The following ACTA1 variants were observed in gnomAD, a reference collection of about 807,000 sequenced individuals.
ACTA1 encodes actin alpha 1, skeletal muscle.
In ACTA1, 25 loss-of-function variants were observed where a neutral mutation model predicts 35.8. The ratio of observed to expected loss-of-function variants is 0.70; its 90% CI spans 0.51 to 0.97. The LOEUF (loss-of-function observed/expected upper bound fraction) is 0.97. ACTA1 is among the 50% of genes least tolerant of loss of function. ACTA1 has a pLI of 0.00. For synonymous variants in ACTA1, 219 were observed against 217.1 expected, an observed-to-expected ratio of 1.01 and a Z score of -0.08; for missense variants, 174 against 533.0, an observed-to-expected ratio of 0.33 and a Z score of 6.63.
chr1:229,431,565 C>A lies in ACTA1; in HGVS notation c.1068G>T (p.Gln356His), dbSNP rs1157238811. The change falls in exon 7 of 7, where the codon CAG becomes CAT. Residue 356 changes from glutamine to histidine, a missense_variant. Transcript: ENST00000366684. The surrounding 1 kb of genome is among the most constrained non-coding windows in gnomAD (Gnocchi z 7.1). ...SILASLSTFQ[Q>H]MWITKQEYDE... is the part of the protein sequence containing the mutation. ...CGTACTCCTGCTTGGTGATCCACAT[C>A]TGCTGGAAGGTGGACAGCGAGGCCA... 2 of 1,614,022 alleles carry A rather than the reference C, an allele frequency of 1.2e-6. No individual in the cohort carries two copies.
intron 1 of ACTA1, among the ~76,000 whole-genome samples, chr1:229,433,786 G>A (rs1388919002): frequency 6.6e-6 from 1 of 152,234 alleles, no homozygotes; most frequent in East Asian, 1.9e-4. Flanking sequence ...AGGTAAAGGA[G>A]CCCAAAGGGG....
In ACTA1 at chr1:229,431,969, C is replaced by CGGGGCG; in HGVS notation, c.808+19_808+24dup. On this transcript the variant is annotated intron_variant, in intron 5 of 6. Coordinates refer to ENST00000366684, the MANE Select transcript of ACTA1 (RefSeq NM_001100.4). The surrounding 1 kb of genome is among the most constrained non-coding windows in gnomAD (Gnocchi z 7.1). The stretch of plus-strand genomic sequence containing the variant: ...CCGGGGGCCGGCGGGGCCTGGGGGC[C>CGGGGCG]GGGGCGAGGGCGAGCGGGGCTCACC... The CGGGGCG allele has an allele frequency of 6.2e-7, 1 of 1,603,060 alleles. No homozygotes were observed. The highest frequency in any genetic ancestry group is 8.5e-7 in the Non-Finnish European group (1 of 1,174,956).
intron 4 of ACTA1, 28 bp from the exon 5 acceptor site, chr1:229,432,213 CCCTCA>C (rs1659959392): frequency 6.8e-6 from 11 of 1,613,056 alleles, no homozygotes; most frequent in Non-Finnish European, 9.3e-6. Flanking sequence ...AGGAGAGGAG[CCCTCA>C]CTCAGGGGCC....
Position 229,431,361 on chromosome 1 carries a change from TA to T in ACTA1, c.*137del. On this transcript the variant is annotated 3_prime_UTR_variant, in exon 7 of 7. Coordinates refer to ENST00000366684, the MANE Select transcript of ACTA1 (RefSeq NM_001100.4). This position sits in a 1 kb window ranked among gnomAD's most constrained non-coding sequence, Gnocchi z 7.1. ...AATAAGTTAATGTATGTACACGTTA[TA>T]AACACTGTGTCAGTTTACGATGGCA... The T allele has an allele frequency of 8.4e-7, 1 of 1,183,812 alleles. No homozygotes were observed. The allele number at this position is 1,183,812 out of a possible 1,614,324, so 73.3% of individuals were successfully genotyped here. A position where few individuals can be genotyped will look rare whatever the true frequency, so the allele number is the denominator to read the frequency against.
chr1:229,432,935 T>A, intron 2 of ACTA1, 52 bp downstream of exon 2: 1 of 1,613,926 alleles, frequency 6.2e-7, no homozygotes, highest in East Asian at 2.2e-5. Context: ...GGCACCAGGC[T>A]GGCTTACGCG....
At position 229,432,686 on chromosome 1, in the gene ACTA1, G is replaced by A. The variant is rs41271479; in HGVS notation, c.324C>T (p.Thr108=). 6.2e-7 allele frequency: 1 copy of A among 1,614,174 alleles called. No individual in the cohort carries two copies. Among genetic ancestry groups the A allele is most frequent in the South Asian group, 1.1e-5 (1 of 91,070 alleles). The change falls in exon 3 of 7, where the codon ACC becomes ACT. Residue 108 remains threonine, a synonymous_variant. Coordinates refer to ENST00000366684, the MANE Select transcript of ACTA1 (RefSeq NM_001100.4). The part of the protein sequence containing the change: ...VAPEEHPTLL[T]EAPLNPKANR... ...TGGCCTTGGGATTGAGGGGGGCCTCGGTGAGCAGGGTGGGGTGCTCCTCGG... is the reference window on the plus strand; with the variant it reads ...TGGCCTTGGGATTGAGGGGGGCCTCAGTGAGCAGGGTGGGGTGCTCCTCGG...
chr1:229,432,677 G>A lies in ACTA1; in HGVS notation c.333C>T (p.Pro111=), dbSNP rs1418024508. ...EEHPTLLTEA[P]LNPKANREKM... ...TCTCGCGGTTGGCCTTGGGATTGAGGGGGGCCTCGGTGAGCAGGGTGGGGT... is the reference window on the plus strand; with the variant it reads ...TCTCGCGGTTGGCCTTGGGATTGAGAGGGGCCTCGGTGAGCAGGGTGGGGT... Residue 111 remains proline, a synonymous_variant, in exon 3 of 7, where the codon CCC becomes CCT. Coordinates refer to ENST00000366684, the MANE Select transcript of ACTA1 (RefSeq NM_001100.4). The A allele has an allele frequency of 6.2e-7, 1 of 1,614,054 alleles. No homozygotes were observed. Among genetic ancestry groups the A allele is most frequent in the African/African-American group, 1.3e-5 (1 of 74,934 alleles).
rs751707590 is a variant in ACTA1 at position 229,432,210 on chromosome 1, G to A, written c.617-25C>T. 2.6e-5 allele frequency: 42 copies of A among 1,613,030 alleles called. No individual in the cohort carries two copies. The Admixed American group carries it at 6.7e-4, about 26-fold the overall frequency. On this transcript the variant is annotated intron_variant, in intron 4 of 6. Transcript: ENST00000366684. Reference sequence around the variant, plus strand: ...GCTGCGGAGGGCAGAAGCAGGAGAGGAGCCCTCACTCAGGGGCCGCCGCCG... The same window carrying A: ...GCTGCGGAGGGCAGAAGCAGGAGAGAAGCCCTCACTCAGGGGCCGCCGCCG...
chr1:229,432,943 G>C, intron 2 of ACTA1, 44 bp downstream of exon 2: 1 of 1,613,864 alleles, frequency 6.2e-7, no homozygotes, highest in Non-Finnish European at 8.5e-7. Context: ...GCTGGCTTAC[G>C]CGGGGACCCC....
chr1:229,431,591 G>A lies in ACTA1; in HGVS notation c.1042C>T (p.Leu348=), dbSNP rs1571892315. The A allele has an allele frequency of 6.2e-7, 1 of 1,613,222 alleles. No homozygotes were observed. The highest frequency in any genetic ancestry group is 2.2e-5 in the East Asian group (1 of 44,794). Residue 348 remains leucine, a synonymous_variant, in exon 7 of 7, where the codon CTG becomes TTG. Coordinates refer to ENST00000366684, the MANE Select transcript of ACTA1 (RefSeq NM_001100.4). The surrounding 1 kb of genome is among the most constrained non-coding windows in gnomAD (Gnocchi z 7.1). ...TGCTGGAAGGTGGACAGCGAGGCCA[G>A]GATGGAGCCGCCGATCCACACCGAG... ...KYSVWIGGSI[L]ASLSTFQQMW...
At chr1:229,433,591 G>A (rs768271465) in intron 1 of ACTA1, among the ~76,000 whole-genome samples, 1 of 152,214 alleles carries the variant, frequency 6.6e-6, no homozygotes, top group African/African-American at 2.4e-5. Flanking sequence ...CCCCATCCAG[G>A]GAAGAGTGGC....
intron 2 of ACTA1, 30 bp downstream of exon 2, chr1:229,432,957 C>T: frequency 1.2e-6 from 2 of 1,613,664 alleles, no homozygotes; most frequent in Non-Finnish European, 1.7e-6. Context: ...GGACCCCGAG[C>T]CGGCTCCCTC....
Position 229,431,944 on chromosome 1 carries a change from C to G in ACTA1, c.809-42G>C. The G allele has an allele frequency of 6.2e-7, 1 of 1,608,050 alleles. No individual in the cohort carries two copies. On this transcript the variant is annotated intron_variant, in intron 5 of 6. Coordinates refer to ENST00000366684, the MANE Select transcript of ACTA1 (RefSeq NM_001100.4). This position sits in a 1 kb window ranked among gnomAD's most constrained non-coding sequence, Gnocchi z 7.1. Reference sequence around the variant, plus strand: ...GGAGCGTGAGCAGAAGCTCGGGGCGCCGGGGGCCGGCGGGGCCTGGGGGCC... The same window carrying G: ...GGAGCGTGAGCAGAAGCTCGGGGCGGCGGGGGCCGGCGGGGCCTGGGGGCC...
In ACTA1 at chr1:229,431,384, G is replaced by C; in HGVS notation, c.*115C>G. The C allele has an allele frequency of 7.3e-7, 1 of 1,363,542 alleles. No homozygotes were observed. Among genetic ancestry groups the C allele is most frequent in the South Asian group, 1.2e-5 (1 of 85,686 alleles). The allele number at this position is 1,363,542 out of a possible 1,614,324, so 84.5% of individuals were successfully genotyped here. ...TATAAACACTGTGTCAGTTTACGAT[G>C]GCAGCAACGGAAGTTGTTACAAAGA... On this transcript the variant is annotated 3_prime_UTR_variant, in exon 7 of 7. Coordinates refer to ENST00000366684, the MANE Select transcript of ACTA1 (RefSeq NM_001100.4). This position sits in a 1 kb window ranked among gnomAD's most constrained non-coding sequence, Gnocchi z 7.1.
Position 229,431,438 on chromosome 1 carries a change from C to A in ACTA1, c.*61G>T. The A allele has an allele frequency of 5.6e-6, 9 of 1,610,056 alleles. No homozygotes were observed. The highest frequency in any genetic ancestry group is 7.6e-6 in the Non-Finnish European group (9 of 1,178,128). ...TGACTGCGGGGTGGCTGGAGCTCAG[C>A]CGCCCCCCCATTGAGAAGATTCGTC... On this transcript the variant is annotated 3_prime_UTR_variant, in exon 7 of 7. Transcript: ENST00000366684. The surrounding 1 kb of genome is among the most constrained non-coding windows in gnomAD (Gnocchi z 7.1).
At position 229,433,119 on chromosome 1, in the gene ACTA1, G is replaced by A. The variant is rs186826063; in HGVS notation, c.-4C>T. Reference sequence around the variant, plus strand: ...TGGTCTCGTCTTCGTCGCACATTGTGTCTAGTTTCTGCAAGGACAGGGAGA... The same window carrying A: ...TGGTCTCGTCTTCGTCGCACATTGTATCTAGTTTCTGCAAGGACAGGGAGA... On this transcript the variant is annotated 5_prime_UTR_variant, in exon 2 of 7. Coordinates refer to ENST00000366684, the MANE Select transcript of ACTA1 (RefSeq NM_001100.4). 1.0e-4 allele frequency: 167 copies of A among 1,614,116 alleles called. No individual in the cohort carries two copies. The African/African-American group carries it at 1.9e-3, about 18-fold the overall frequency.
In ACTA1 at chr1:229,431,347, G is replaced by C. The variant is rs2102734777; in HGVS notation, c.*152C>G. On this transcript the variant is annotated 3_prime_UTR_variant, in exon 7 of 7. Coordinates refer to ENST00000366684, the MANE Select transcript of ACTA1 (RefSeq NM_001100.4). This position sits in a 1 kb window ranked among gnomAD's most constrained non-coding sequence, Gnocchi z 7.1. The stretch of plus-strand genomic sequence containing the variant: ...TAACAAAATGAGGTAATAAGTTAAT[G>C]TATGTACACGTTATAAACACTGTGT... 9.8e-7 allele frequency: 1 copy of C among 1,024,148 alleles called. No individual in the cohort carries two copies. The highest frequency in any genetic ancestry group is 1.5e-6 in the Non-Finnish European group (1 of 662,370). 63.4% of individuals were successfully genotyped at this position (1,024,148 alleles called of 1,614,324 possible).
At chr1:229,432,472 C>T (rs1317959691) in intron 3 of ACTA1, 41 bp from the exon 4 acceptor site, 1 of 1,554,626 alleles carries the variant, frequency 6.4e-7, no homozygotes, top group Non-Finnish European at 8.7e-7. Flanking sequence ...GGGGGCGAGG[C>T]CGAGGCTAGG....
In ACTA1 at chr1:229,431,780, TC is replaced by T. The variant is rs1281252030; in HGVS notation, c.930del (p.Ile311SerfsTer17). 1 of 1,614,084 alleles carries T rather than the reference TC, an allele frequency of 6.2e-7. No individual in the cohort carries two copies. Among genetic ancestry groups the T allele is most frequent in the Non-Finnish European group, 8.5e-7 (1 of 1,180,026 alleles). ...ATCTCTTTCTGCATGCGGTCAGCGATCCCAGGGTACATCGTGGTGCCCCCCG... is the reference window on the plus strand; with the variant it reads ...ATCTCTTTCTGCATGCGGTCAGCGATCCAGGGTACATCGTGGTGCCCCCCG... ...VMSGGTTMYP[G>X]IADRMQKEIT... On this transcript the variant is annotated frameshift_variant, in exon 6 of 7. Coordinates refer to ENST00000366684, the MANE Select transcript of ACTA1 (RefSeq NM_001100.4). LOFTEE classifies it high-confidence loss of function. The surrounding 1 kb of genome is among the most constrained non-coding windows in gnomAD (Gnocchi z 7.1).
Sources: allele counts gnomAD v4.1 joint callset (sites outside exome capture counted in the v4.1 genomes callset), GRCh38; gene constraint gnomAD v4.1.1; non-coding constraint Gnocchi (gnomAD v3.1); transcripts MANE v1.5; gene names NCBI Gene and HGNC (gene_info 2026-07-23, HGNC 2026-07-21).